Variants in GRIN2A observed in about 807,000 individuals in gnomAD.
GRIN2A encodes glutamate receptor ionotropic, NMDA 2A.
A neutral mutation model predicts 113.4 loss-of-function variants in GRIN2A; 22 were observed. That is an observed-to-expected ratio of 0.19 (90% confidence interval 0.14 to 0.28). The LOEUF is 0.28. GRIN2A is among the 10% of genes least tolerant of loss of function. The pLI, the probability that GRIN2A is intolerant of heterozygous loss-of-function variation, is 1.00. For missense variants in GRIN2A, 1,502 were observed against 1,887.0 expected (o/e 0.80, Z 3.78); for synonymous variants, 827 against 738.4 (o/e 1.12, Z -1.94).
At chr16:10,118,329 T>C (rs891333552) in intron 2 of GRIN2A, among the ~76,000 whole-genome samples, 4 of 152,298 alleles carry the variant, frequency 2.6e-5, no homozygotes, top group African/African-American at 7.2e-5. Flanking sequence ...CTCTGGCTAA[T>C]AAAGGGAACT....
intron 2 of GRIN2A, among the ~76,000 whole-genome samples, chr16:10,117,647 C>T (rs1445270837): frequency 1.3e-5 from 2 of 152,180 alleles, no homozygotes; most frequent in Non-Finnish European, 2.9e-5. Context: ...ATAATGACCA[C>T]ATTGTTCCAG....
chr16:9,949,613 C>A (rs564617662), intron 2 of GRIN2A, among the ~76,000 whole-genome samples: 1 of 147,964 alleles, frequency 6.8e-6, no homozygotes, highest in African/African-American at 2.5e-5. Context: ...GATGGGTAGA[C>A]GGGTGGGTGG....
At chr16:10,004,244 C>T (rs2046368536) in intron 2 of GRIN2A, among the ~76,000 whole-genome samples, 1 of 151,972 alleles carries the variant, frequency 6.6e-6, no homozygotes, top group African/African-American at 2.4e-5. Flanking sequence ...CAAAAATCAG[C>T]TGGGCATGAT....
intron 2 of GRIN2A, among the ~76,000 whole-genome samples, chr16:9,981,225 A>G (rs971834593): frequency 1.3e-5 from 2 of 152,170 alleles, no homozygotes; most frequent in African/African-American, 4.8e-5. Flanking sequence ...GATTCCTTCT[A>G]TGATCTCAAG....
intron 2 of GRIN2A, among the ~76,000 whole-genome samples, chr16:10,065,571 A>C (rs1045531369): frequency 6.6e-6 from 1 of 152,206 alleles, no homozygotes; most frequent in Non-Finnish European, 1.5e-5. Flanking sequence ...CAATTTTCTT[A>C]TCTCTAAAAT....
intron 2 of GRIN2A, among the ~76,000 whole-genome samples, chr16:9,972,325 T>G (rs2045688879): frequency 6.6e-6 from 1 of 152,190 alleles, no homozygotes; most frequent in Non-Finnish European, 1.5e-5. Context: ...AAAGTGCTAG[T>G]ACAATTCAAA....
intron 10 of GRIN2A, among the ~76,000 whole-genome samples, chr16:9,800,738 T>A (rs950818225): frequency 6.6e-6 from 1 of 151,938 alleles, no homozygotes; most frequent in Non-Finnish European, 1.5e-5. Flanking sequence ...GGGAATCAGA[T>A]CAAGCAGCAG....
chr16:9,810,752 G>A (rs571203749), intron 10 of GRIN2A, among the ~76,000 whole-genome samples: 1 of 152,324 alleles, frequency 6.6e-6, no homozygotes, highest in Non-Finnish European at 1.5e-5. Context: ...ATAAAATTCT[G>A]TTGTTGCAAC....
chr16:10,155,075 G>A (rs1338212320), intron 2 of GRIN2A, among the ~76,000 whole-genome samples: 1 of 152,172 alleles, frequency 6.6e-6, no homozygotes, highest in East Asian at 1.9e-4. Context: ...ATCCCATGAT[G>A]TACAGCATCT....
intron 2 of GRIN2A, among the ~76,000 whole-genome samples, chr16:10,104,004 C>T (rs1478422201): frequency 1.3e-5 from 2 of 152,182 alleles, no homozygotes; most frequent in Middle Eastern, 3.2e-3. Context: ...TTCCTTTTAA[C>T]AAGCTCAGTT....
intron 3 of GRIN2A, among the ~76,000 whole-genome samples, chr16:9,910,537 C>CTA (rs1555451972): frequency 8.1e-6 from 1 of 123,286 alleles, no homozygotes; most frequent in Non-Finnish European, 1.7e-5. Flanking sequence ...TCTCAGAGTT[C>CTA]TTTTTTTTTT....
intron 2 of GRIN2A, among the ~76,000 whole-genome samples, chr16:10,178,201 T>C (rs565232557): frequency 1.1e-4 from 17 of 152,310 alleles, no homozygotes; most frequent in Non-Finnish European, 1.8e-4. Flanking sequence ...CCTCAATGCC[T>C]TCTTTAGAAG....
At chr16:10,008,200 A>G (rs1243440661) in intron 2 of GRIN2A, among the ~76,000 whole-genome samples, 2 of 152,126 alleles carry the variant, frequency 1.3e-5, no homozygotes, top group East Asian at 3.9e-4. Flanking sequence ...TCATGATCTT[A>G]TGACAGTGCC....
chr16:10,072,233 G>A (rs2047767255), intron 2 of GRIN2A, among the ~76,000 whole-genome samples: 1 of 152,162 alleles, frequency 6.6e-6, no homozygotes, highest in Non-Finnish European at 1.5e-5. Context: ...AGGGAAATTG[G>A]AGGTACGTGC....
intron 4 of GRIN2A, among the ~76,000 whole-genome samples, chr16:9,854,483 T>C (rs2042935888): frequency 6.6e-6 from 1 of 152,164 alleles, no homozygotes; most frequent in Non-Finnish European, 1.5e-5. Flanking sequence ...TTGTTTCTGC[T>C]TGTCTCCATT....
intron 2 of GRIN2A, among the ~76,000 whole-genome samples, chr16:10,044,001 G>GTATA (rs2047213244): frequency 1.2e-5 from 1 of 86,228 alleles, no homozygotes; most frequent in African/African-American, 5.1e-5. Flanking sequence ...GTGTGTGTGT[G>GTATA]TGTGTGTATA....
At chr16:10,107,993 C>A (rs543377102) in intron 2 of GRIN2A, among the ~76,000 whole-genome samples, 10 of 152,296 alleles carry the variant, frequency 6.6e-5, no homozygotes, top group Admixed American at 4.6e-4. Flanking sequence ...AAAGGCCAAC[C>A]CTGGGCTAGA....
In GRIN2A at chr16:9,754,349, A is replaced by ATAGG; in HGVS notation, c.*8799_*8800insCCTA. On this transcript the variant is annotated 3_prime_UTR_variant, in exon 13 of 13. Transcript: ENST00000330684. ...CTCAGGTTTGGAAGGCATCTGAGCC[A>ATAGG]CATCTAACTATGTCACTGCTGTGTC... 4.8e-6 allele frequency: 1 copy of ATAGG among 208,040 alleles called. No individual in the cohort carries two copies. The allele number at this position is 208,040 out of a possible 1,614,324, so 12.9% of individuals were successfully genotyped here.
chr16:9,918,242 T>G (rs1456285564), intron 3 of GRIN2A, among the ~76,000 whole-genome samples: 1 of 152,194 alleles, frequency 6.6e-6, no homozygotes, highest in Admixed American at 6.5e-5. Context: ...AGCCTGTGGA[T>G]GTACTGCAGT....
Sources: allele counts gnomAD v4.1 joint callset (sites outside exome capture counted in the v4.1 genomes callset), GRCh38; gene constraint gnomAD v4.1.1; transcripts MANE v1.5; gene names NCBI Gene and HGNC (gene_info 2026-07-23, HGNC 2026-07-21).